Variants in COL22A1 observed in about 807,000 individuals in gnomAD.
COL22A1 encodes the protein collagen type XXII alpha 1 chain.
In COL22A1, 221 loss-of-function variants were observed where a neutral mutation model predicts 248.9. The ratio of observed to expected loss-of-function variants is 0.89; its 90% CI spans 0.80 to 0.99. The LOEUF (loss-of-function observed/expected upper bound fraction) is 0.99. Ranked by LOEUF, COL22A1 falls within the 50% of genes least tolerant of loss-of-function variation. COL22A1 has a pLI of 0.00. For synonymous variants in COL22A1, 891 were observed against 793.4 expected (o/e 1.12, Z -2.07); for missense variants, 2,240 against 2,179.0 (o/e 1.03, Z -0.56).
At chr8:138,864,963 G>A (rs973918216) in intron 3 of COL22A1, among the ~76,000 whole-genome samples, 6 of 152,254 alleles carry the variant, frequency 3.9e-5, no homozygotes, top group South Asian at 4.1e-4. Context: ...CCCCAGGGCA[G>A]TGCCAATGAG....
At chr8:138,661,007 GAC>G (rs551830126) in intron 43 of COL22A1, among the ~76,000 whole-genome samples, 14 of 136,476 alleles carry the variant, frequency 1.0e-4, no homozygotes, top group African/African-American at 2.5e-4. Flanking sequence ...CACATACACA[GAC>G]ACACACACGC....
chr8:138,839,734 G>C (rs1370426899), intron 4 of COL22A1, among the ~76,000 whole-genome samples: 2 of 152,182 alleles, frequency 1.3e-5, no homozygotes, highest in African/African-American at 2.4e-5. Flanking sequence ...AGTGGGAAGA[G>C]AGAGACATCC....
chr8:138,689,455 C>A (rs1451198321), intron 36 of COL22A1, among the ~76,000 whole-genome samples: 1 of 152,114 alleles, frequency 6.6e-6, no homozygotes, highest in Non-Finnish European at 1.5e-5. Context: ...AACACTCATG[C>A]CTGTAATCCC....
chr8:138,862,456 T>G (rs117940229), intron 3 of COL22A1, among the ~76,000 whole-genome samples: 115 of 152,186 alleles, frequency 7.6e-4, no homozygotes, highest in Admixed American at 1.6e-3. Flanking sequence ...TATAGTTTCC[T>G]CCACCCGGAG....
intron 35 of COL22A1, among the ~76,000 whole-genome samples, chr8:138,692,230 A>ATG (rs774738024): frequency 1.9e-4 from 6 of 31,514 alleles, no homozygotes; most frequent in East Asian, 1.1e-3. Context: ...GTGCACGTGC[A>ATG]TGTGCATGTT....
At chr8:138,610,239 T>C (rs769181481) in intron 56 of COL22A1, among the ~76,000 whole-genome samples, 2 of 152,206 alleles carry the variant, frequency 1.3e-5, no homozygotes, top group Non-Finnish European at 2.9e-5. Flanking sequence ...ATCATGTAAA[T>C]GCACCACTCC....
intron 4 of COL22A1, among the ~76,000 whole-genome samples, chr8:138,842,735 G>A (rs941466595): frequency 6.6e-6 from 1 of 152,214 alleles, no homozygotes; most frequent in Non-Finnish European, 1.5e-5. Context: ...TTATTTCAAG[G>A]AAATTAGGTT....
chr8:138,862,780 GT>G (rs1020734724), intron 3 of COL22A1, among the ~76,000 whole-genome samples: 4 of 126,158 alleles, frequency 3.2e-5, no homozygotes, highest in Non-Finnish European at 6.6e-5. Flanking sequence ...TTTTTTTCAT[GT>G]TTTCAGGTGA....
intron 1 of COL22A1, among the ~76,000 whole-genome samples, chr8:138,902,679 C>T (rs1331050392): frequency 6.7e-6 from 1 of 149,766 alleles, no homozygotes; most frequent in East Asian, 2.0e-4. Flanking sequence ...GCACTCCAGC[C>T]TGGGCGACAG....
intron 6 of COL22A1, chr8:138,825,679 T>G (rs1008843539): frequency 3.9e-5 from 6 of 152,210 alleles, no homozygotes; most frequent in African/African-American, 1.2e-4. Context: ...TATCTTGCCC[T>G]CTCAGATGGC....
intron 32 of COL22A1, among the ~76,000 whole-genome samples, chr8:138,695,223 C>T (rs1283360688): frequency 6.6e-6 from 1 of 152,174 alleles, no homozygotes; most frequent in Non-Finnish European, 1.5e-5. Context: ...TGATTCATCT[C>T]CCCTCCAGCT....
In COL22A1 at chr8:138,594,015, A is replaced by G; in HGVS notation, c.4615+2T>C. The G allele has an allele frequency of 6.5e-7, 1 of 1,545,924 alleles. No homozygotes were observed. The highest frequency in any genetic ancestry group is 8.7e-7 in the Non-Finnish European group (1 of 1,154,232). ...GCATATCTCCTCCAGGTCTTCACTCACCTTTGGGACCTATGGGTCCAGAGG... is the reference window on the plus strand; with the variant it reads ...GCATATCTCCTCCAGGTCTTCACTCGCCTTTGGGACCTATGGGTCCAGAGG... On this transcript the variant is annotated splice_donor_variant, in intron 63 of 64. Coordinates refer to ENST00000303045, the MANE Select transcript of COL22A1 (RefSeq NM_152888.3). LOFTEE classifies it high-confidence loss of function.
At chr8:138,812,026 T>C in intron 8 of COL22A1, 105 bp from the exon 9 acceptor site, 2 of 1,320,388 alleles carry the variant, frequency 1.5e-6, no homozygotes, top group Non-Finnish European at 2.0e-6. Flanking sequence ...CAGCCAAAGG[T>C]TGAGAAAACG....
Position 138,630,676 on chromosome 8 carries a change from C to T in COL22A1, c.3663+19G>A, listed in dbSNP as rs1265560099. Reference sequence around the variant, plus strand: ...CTAAAGACAGATTAAAAACAGATCCCATTCCTTGAGGAACTTACAGGTGAC... The same window carrying T: ...CTAAAGACAGATTAAAAACAGATCCTATTCCTTGAGGAACTTACAGGTGAC... On this transcript the variant is annotated intron_variant, in intron 50 of 64. Coordinates refer to ENST00000303045, the MANE Select transcript of COL22A1 (RefSeq NM_152888.3). 9 of 1,610,736 alleles carry T rather than the reference C, an allele frequency of 5.6e-6. No individual in the cohort carries two copies. The South Asian group carries it at 6.6e-5, about 12-fold the overall frequency.
rs117068005 is a variant in COL22A1, at chr8:138,817,574, T to C, written c.1245+3562A>G. Among the ~76,000 whole-genome samples, 8 of 152,228 alleles carry C rather than the reference T, an allele frequency of 5.3e-5. No individual in the cohort carries two copies. In the East Asian group the frequency reaches 1.5e-3, roughly 29 times the overall value. On this transcript the variant is annotated intron_variant, in intron 7 of 64. Coordinates refer to ENST00000303045, the MANE Select transcript of COL22A1 (RefSeq NM_152888.3). ...ACTTCTACTATACTAGGGTGTTGTA[T>C]GTGGTGGGGATGTGTCCAGAAGGAA...
chr8:138,815,017 A>G (rs1042002055), intron 7 of COL22A1, among the ~76,000 whole-genome samples: 1 of 152,150 alleles, frequency 6.6e-6, no homozygotes, highest in African/African-American at 2.4e-5. Flanking sequence ...GTGATAGTGA[A>G]TAAGTGTCAT....
intron 1 of COL22A1, among the ~76,000 whole-genome samples, chr8:138,905,727 C>T (rs960397504): frequency 6.6e-5 from 10 of 152,286 alleles, no homozygotes; most frequent in Admixed American, 6.5e-5. Flanking sequence ...AAGACAGTTT[C>T]GTTCATGTTC....
At chr8:138,806,060 G>GTGA (rs879757288) in intron 10 of COL22A1, among the ~76,000 whole-genome samples, 5,613 of 136,180 alleles carry the variant, frequency 0.041, 2,056 homozygotes, top group African/African-American at 0.063. Context: ...GTAATGGTGT[G>GTGA]TGGTGGTGTG....
intron 34 of COL22A1, 35 bp from the exon 35 acceptor site, chr8:138,693,734 C>T (rs760030947): frequency 1.3e-6 from 2 of 1,551,870 alleles, no homozygotes; most frequent in Admixed American, 1.9e-5. Flanking sequence ...GGGGGTAAGA[C>T]ACCCTCAGTG....
Sources: gnomAD v4.1 joint callset for allele counts (sites outside exome capture counted in the v4.1 genomes callset) on GRCh38, gnomAD v4.1.1 for gene constraint, MANE v1.5 for transcripts, NCBI Gene and HGNC (gene_info 2026-07-23, HGNC 2026-07-21) for gene names.